DAB1: variants seen among roughly 807,000 people sequenced by gnomAD.
DAB1 encodes disabled homolog 1.
Under a neutral mutation model 64.6 loss-of-function variants are expected in DAB1, and 15 were observed. That is an observed-to-expected ratio of 0.23 (90% CI 0.16 to 0.36). DAB1 has a LOEUF of 0.36. Ranked by LOEUF, DAB1 falls within the 10% of genes least tolerant of loss-of-function variation. DAB1 has a pLI of 1.00. For synonymous variants in DAB1, 235 were observed against 251.9 expected (o/e 0.93, Z 0.64); for missense variants, 596 against 706.7 (o/e 0.84, Z 1.78).
In DAB1 at chr1:57,893,282, A is replaced by G. The variant is rs535139181; in HGVS notation, n.388-9120T>C. Among the ~76,000 whole-genome samples the G allele has an allele frequency of 7.5e-4, 114 of 152,310 alleles. 2 individuals carry two copies. In the South Asian group the frequency reaches 7.7e-3, roughly 10 times the overall value. On this transcript the variant is annotated intron_variant and non_coding_transcript_variant, in intron 5 of 20. Transcript: ENST00000485760. ...GAAAGAAGCATATAATACATATCAC[A>G]GTCATTTACTAACAACCCAGTCAGA... is the stretch of plus-strand genomic sequence containing the variant.
In DAB1 at chr1:58,239,247, A is replaced by G. The variant is rs139296765; in HGVS notation, n.310-88659T>C. ...CTTCCTTCACTGCTTTCCTGGAGCT[A>G]TCCAGCCCAGACTGACTTAGGAAGC... On this transcript the variant is annotated intron_variant and non_coding_transcript_variant, in intron 4 of 20. Coordinates refer to the DAB1 transcript ENST00000485760. Among the ~76,000 whole-genome samples the G allele has an allele frequency of 1.3e-3, 199 of 152,320 alleles. 2 individuals are homozygous for G. Among genetic ancestry groups the G allele is most frequent in the African/African-American group, 4.4e-3 (183 of 41,578 alleles).
At chr1:57,862,067 C>A (rs1193369749) in intron 1 of DAB1, among the ~76,000 whole-genome samples, 1 of 152,144 alleles carries the variant, frequency 6.6e-6, no homozygotes, top group Non-Finnish European at 1.5e-5. Flanking sequence ...TTCAAACAAT[C>A]TGAATCTTTA....
At chr1:58,086,111 C>A (rs1650292412) in intron 5 of DAB1, among the ~76,000 whole-genome samples, 1 of 151,076 alleles carries the variant, frequency 6.6e-6, no homozygotes, top group Admixed American at 6.6e-5. Flanking sequence ...CTACAGGCGC[C>A]CGCCACTACG....
intron 3 of DAB1, among the ~76,000 whole-genome samples, chr1:58,476,936 T>C (rs1344133458): frequency 2.6e-5 from 4 of 152,182 alleles, no homozygotes; most frequent in African/African-American, 9.7e-5. Flanking sequence ...AGTTCTGTCA[T>C]TGAGAGTTGA....
In DAB1 at chr1:57,930,491, T is replaced by A. The variant is rs181506279; in HGVS notation, n.388-46329A>T. Among the ~76,000 whole-genome samples the A allele has an allele frequency of 3.3e-4, 50 of 152,356 alleles. 2 individuals are homozygous for A. In the East Asian group the frequency reaches 9.4e-3, roughly 29 times the overall value. On this transcript the variant is annotated intron_variant and non_coding_transcript_variant, in intron 5 of 20. Transcript: ENST00000485760. ...AGGAAGATCTGACATCTTGACAGCA[T>A]TGAGTCTTCCTAGCCATGAACATGA...
chr1:57,280,010 G>A (rs953558599), intron 2 of DAB1, among the ~76,000 whole-genome samples: 1 of 152,188 alleles, frequency 6.6e-6, no homozygotes, highest in African/African-American at 2.4e-5. Flanking sequence ...TTTGGTAAGA[G>A]GACATATCAT....
chr1:57,692,478 GA>G (rs774504476), intron 6 of DAB1, among the ~76,000 whole-genome samples: 2 of 152,062 alleles, frequency 1.3e-5, no homozygotes, highest in African/African-American at 4.8e-5. Flanking sequence ...AGGAGTCAAA[GA>G]GAGAGGCAAA....
chr1:57,223,303 T>C (rs972823086), intron 2 of DAB1, among the ~76,000 whole-genome samples: 4 of 152,222 alleles, frequency 2.6e-5, no homozygotes, highest in Non-Finnish European at 4.4e-5. Flanking sequence ...ATCTATTTTA[T>C]TTTTAAAAGA....
chr1:57,270,900 C>A (rs1194729149), intron 2 of DAB1, among the ~76,000 whole-genome samples: 1 of 152,196 alleles, frequency 6.6e-6, no homozygotes. Context: ...GAGCCACCCC[C>A]ACAACCCAGA....
At chr1:57,269,304 A>G (rs1404472628) in intron 2 of DAB1, among the ~76,000 whole-genome samples, 1 of 152,120 alleles carries the variant, frequency 6.6e-6, no homozygotes, top group East Asian at 1.9e-4. Context: ...AATCTGAGTG[A>G]CAAGCACCCC....
chr1:58,473,257 T>C (rs921377429), intron 3 of DAB1, among the ~76,000 whole-genome samples: 1 of 151,998 alleles, frequency 6.6e-6, no homozygotes, highest in Non-Finnish European at 1.5e-5. Flanking sequence ...ATAAATAACA[T>C]GGGGGCCGGG....
intron 2 of DAB1, among the ~76,000 whole-genome samples, chr1:57,147,646 A>T (rs1659275289): frequency 6.6e-6 from 1 of 152,328 alleles, no homozygotes; most frequent in Admixed American, 6.5e-5. Context: ...TCATAGCTAA[A>T]CATCCTCCTC....
intron 7 of DAB1, among the ~76,000 whole-genome samples, chr1:57,521,979 G>A (rs560096964): frequency 2.6e-5 from 4 of 152,182 alleles, no homozygotes; most frequent in African/African-American, 9.6e-5. Context: ...GCATGATGGT[G>A]GGTGCCTATA....
At chr1:58,135,826 G>C (rs1385067145) in intron 5 of DAB1, among the ~76,000 whole-genome samples, 1 of 152,136 alleles carries the variant, frequency 6.6e-6, no homozygotes, top group Non-Finnish European at 1.5e-5. Context: ...CTGACCCTTT[G>C]GGAATACAGT....
At chr1:57,566,797 CA>C (rs1570633845) in intron 7 of DAB1, among the ~76,000 whole-genome samples, 1 of 151,948 alleles carries the variant, frequency 6.6e-6, no homozygotes, top group Non-Finnish European at 1.5e-5. Flanking sequence ...GCCTACCAAC[CA>C]AAAAAAGTCC....
chr1:56,999,861 A>G (rs551879632), intron 14 of DAB1, among the ~76,000 whole-genome samples: 38 of 152,214 alleles, frequency 2.5e-4, no homozygotes, highest in Admixed American at 2.1e-3. Flanking sequence ...GAGGCACCCT[A>G]TTATGCAGTG....
chr1:58,147,398 C>T (rs1017189636), intron 5 of DAB1, among the ~76,000 whole-genome samples: 1 of 150,324 alleles, frequency 6.7e-6, no homozygotes, highest in Admixed American at 6.6e-5. Context: ...GCAGGCGGAT[C>T]ACGAGGTCAG....
intron 3 of DAB1, among the ~76,000 whole-genome samples, chr1:58,464,916 A>T (rs1280212097): frequency 2.0e-5 from 3 of 152,192 alleles, no homozygotes; most frequent in Non-Finnish European, 4.4e-5. Context: ...ATATCGGGGC[A>T]GGAGAGGACC....
chr1:57,426,859 A>AAT (rs998763894), upstream of DAB1, among the ~76,000 whole-genome samples: 164 of 122,838 alleles, frequency 1.3e-3, 1 homozygote, highest in East Asian at 0.013. Flanking sequence ...TAAATGAGAT[A>AAT]ATATATATAT....
Sources: allele counts gnomAD v4.1 joint callset (sites outside exome capture counted in the v4.1 genomes callset), GRCh38; gene constraint gnomAD v4.1.1; transcripts MANE v1.5; gene names NCBI Gene and HGNC (gene_info 2026-07-23, HGNC 2026-07-21).